U2SURP: variants seen among roughly 807,000 people sequenced by gnomAD.
The protein encoded by U2SURP is U2 snRNP-associated SURP motif-containing protein.
In U2SURP, 9 loss-of-function variants were observed where a neutral mutation model predicts 144.9. The ratio of observed to expected loss-of-function variants is 0.06; its 90% confidence interval spans 0.04 to 0.11. The LOEUF is 0.11. Among genes scored for constraint, U2SURP ranks in the 10% least tolerant of loss-of-function variants. The pLI is 1.00. For missense variants in U2SURP, 724 were observed against 1,226.7 expected (o/e 0.59, Z 6.12); for synonymous variants, 408 against 396.8 (o/e 1.03, Z -0.33).
At chr3:143,040,694 A>T (rs1336180427) in intron 23 of U2SURP, among the ~76,000 whole-genome samples, 2 of 151,898 alleles carry the variant, frequency 1.3e-5, no homozygotes, top group Admixed American at 1.3e-4. Flanking sequence ...TTGAACCTCG[A>T]ATTGTGGCTA....
At chr3:143,021,419 T>G (rs376103778) in intron 9 of U2SURP, 34 bp downstream of exon 9, 1 of 1,608,102 alleles carries the variant, frequency 6.2e-7, no homozygotes, top group Non-Finnish European at 8.5e-7. Flanking sequence ...AATCGATAAA[T>G]TTTCCAAACT....
intron 1 of U2SURP, among the ~76,000 whole-genome samples, chr3:143,008,840 A>C (rs557708173): frequency 6.6e-6 from 1 of 152,230 alleles, no homozygotes; most frequent in Non-Finnish European, 1.5e-5. Flanking sequence ...ATCTCAGCTC[A>C]CTGCAAGCTC....
intron 24 of U2SURP, among the ~76,000 whole-genome samples, chr3:143,048,652 C>T (rs1474625999): frequency 3.3e-5 from 5 of 152,308 alleles, no homozygotes; most frequent in African/African-American, 1.2e-4. Flanking sequence ...AATCCCACCA[C>T]TTTGGGAGGC....
intron 14 of U2SURP, 59 bp from the exon 15 acceptor site, chr3:143,028,281 A>C: frequency 3.4e-6 from 5 of 1,483,900 alleles, no homozygotes; most frequent in Non-Finnish European, 4.6e-6. Context: ...ATTTATATTT[A>C]ATTGAAGATA....
intron 13 of U2SURP, chr3:143,024,452 C>T (rs754118115): frequency 4.7e-6 from 2 of 429,928 alleles, no homozygotes; most frequent in South Asian, 3.4e-5. Flanking sequence ...GAAGGCATAG[C>T]TTTGTTTTTT....
At chr3:143,014,283 A>G (rs1256225674) in intron 3 of U2SURP, 28 bp from the exon 4 acceptor site, 5 of 1,460,080 alleles carry the variant, frequency 3.4e-6, no homozygotes, top group South Asian at 2.5e-5. Context: ...AAGAATCTAT[A>G]TGTAAAAGTA....
intron 2 of U2SURP, among the ~76,000 whole-genome samples, chr3:143,011,381 C>T (rs1936116197): frequency 1.3e-5 from 2 of 152,068 alleles, no homozygotes. Flanking sequence ...TATGTTATTA[C>T]AGCAGTGTTC....
At chr3:143,054,366 TAA>T (rs1170822939) in intron 26 of U2SURP, among the ~76,000 whole-genome samples, 1 of 152,182 alleles carries the variant, frequency 6.6e-6, no homozygotes, top group Admixed American at 6.5e-5. Context: ...CCATTGCAAA[TAA>T]AAGTCTAGCT....
At chr3:143,016,729 A>G (rs1380032689) in intron 5 of U2SURP, 113 bp from the exon 6 acceptor site, 11 of 891,828 alleles carry the variant, frequency 1.2e-5, no homozygotes, top group Non-Finnish European at 1.8e-5. Context: ...ATTTGTTAAT[A>G]GTGATACATC....
At chr3:143,050,523 C>A (rs1934801270) in intron 24 of U2SURP, among the ~76,000 whole-genome samples, 1 of 152,172 alleles carries the variant, frequency 6.6e-6, no homozygotes, top group Non-Finnish European at 1.5e-5. Flanking sequence ...CTTACATGAG[C>A]TGAACCAGAA....
At chr3:143,048,811 G>A (rs1420631891) in intron 24 of U2SURP, among the ~76,000 whole-genome samples, 8 of 152,184 alleles carry the variant, frequency 5.3e-5, no homozygotes, top group South Asian at 2.1e-4. Context: ...TCTGGGAGGC[G>A]GAGGTTGCAG....
In U2SURP at chr3:143,001,597, C is replaced by T. The variant is rs763579775; in HGVS notation, c.-32C>T. ...TTCGGTGCTCGACTCGCCCGTGCTG[C>T]TGCCGCCGCCGAAGGAGGGGCAAAG... On this transcript the variant is annotated 5_prime_UTR_variant, in exon 1 of 28. Coordinates refer to ENST00000473835, the MANE Select transcript of U2SURP (RefSeq NM_001080415.2). 5 of 1,613,274 alleles carry T rather than the reference C, an allele frequency of 3.1e-6. No individual in the cohort carries two copies. The Admixed American group carries it at 5.0e-5, about 16-fold the overall frequency.
intron 10 of U2SURP, among the ~76,000 whole-genome samples, chr3:143,022,089 CT>C (rs1348198331): frequency 1.3e-5 from 2 of 152,140 alleles, no homozygotes; most frequent in South Asian, 2.1e-4. Context: ...TGATTAGATA[CT>C]TTTTTTCTTC....
chr3:143,032,530 G>C (rs3821645), intron 16 of U2SURP, among the ~76,000 whole-genome samples: 106,540 of 152,048 alleles, frequency 0.7, 37,901 homozygotes, highest in African/African-American at 0.84. Flanking sequence ...GAAGAAATGC[G>C]TATGATTTTA....
Position 143,014,312 on chromosome 3 carries a change from C to T in U2SURP, c.224C>T (p.Pro75Leu). Reference protein sequence around the residue: ...CDSPHQNLSRPLLENKLKAFS... With the variant: ...CDSPHQNLSRLLLENKLKAFS... ...AAAAGTATGCTTTTTATTTCTTAGC[C>T]TCTTCTGGAAAACAAACTTAAAGCA... The change falls in exon 4 of 28, where the codon CCT (proline) becomes CTT (leucine). Residue 75 changes from proline to leucine, a missense_variant and splice_region_variant. By Grantham distance (98) the Pro-to-Leu change is moderately conservative. Around this residue, in one of 13 missense-constraint regions of U2SURP, gnomAD observed 127 missense variants for 98.2 expected, o/e 1.29. Coordinates refer to ENST00000473835, the MANE Select transcript of U2SURP (RefSeq NM_001080415.2). The T allele has an allele frequency of 6.3e-7, 1 of 1,589,818 alleles. No homozygotes were observed. The highest frequency in any genetic ancestry group is 8.6e-7 in the Non-Finnish European group (1 of 1,167,430).
chr3:143,011,604 A>G (rs974075477), intron 2 of U2SURP, among the ~76,000 whole-genome samples: 2 of 152,136 alleles, frequency 1.3e-5, no homozygotes, highest in Admixed American at 6.5e-5. Flanking sequence ...ACCAGAGTAT[A>G]CTTGTAGTCA....
At chr3:143,010,918 G>A in intron 2 of U2SURP, 59 bp downstream of exon 2, 1 of 1,249,474 alleles carries the variant, frequency 8.0e-7, no homozygotes, top group Non-Finnish European at 1.1e-6. Flanking sequence ...CTCCTCATAT[G>A]TATCCCTACA....
chr3:143,054,464 A>T (rs186673838), intron 26 of U2SURP, among the ~76,000 whole-genome samples: 36 of 152,294 alleles, frequency 2.4e-4, no homozygotes, highest in African/African-American at 8.4e-4. Flanking sequence ...TACTATTTTG[A>T]CATAGTTTTA....
At chr3:143,054,803 T>C in intron 26 of U2SURP, 140 bp from the exon 27 acceptor site, 2 of 838,006 alleles carry the variant, frequency 2.4e-6, no homozygotes, top group South Asian at 5.3e-5. Context: ...TACAAAGGAC[T>C]TTGAGTATTG....
Sources: allele counts gnomAD v4.1 joint callset (sites outside exome capture counted in the v4.1 genomes callset), GRCh38; gene constraint gnomAD v4.1.1; regional missense constraint gnomAD v4.1.1; transcripts MANE v1.5; gene names NCBI Gene and HGNC (gene_info 2026-07-23, HGNC 2026-07-21).